Variants in RYR2 observed in about 807,000 individuals in gnomAD.
RYR2 encodes cardiac muscle ryanodine receptor-calcium release channel.
RYR2 carries 227 observed loss-of-function variants against 601.1 expected under a neutral mutation model. The ratio of observed to expected loss-of-function variants is 0.38; its 90% CI spans 0.34 to 0.42. The LOEUF is 0.42. Among genes scored for constraint, RYR2 ranks in the 10% least tolerant of loss-of-function variants. The pLI, the probability that RYR2 is intolerant of heterozygous loss-of-function variation, is 1.00. For synonymous variants in RYR2, 2,223 were observed against 2,175.1 expected (o/e 1.02, Z -0.61); for missense variants, 4,646 against 6,156.5 (o/e 0.75, Z 8.21).
At chr1:237,451,307 A>C (rs1658080087) in intron 14 of RYR2, among the ~76,000 whole-genome samples, 3 of 152,178 alleles carry the variant, frequency 2.0e-5, no homozygotes, top group Non-Finnish European at 4.4e-5. Flanking sequence ...GTGGTGGCTC[A>C]CACCTGTAAT....
At chr1:237,818,701 T>G (rs1395398758) in intron 100 of RYR2, among the ~76,000 whole-genome samples, 2 of 151,818 alleles carry the variant, frequency 1.3e-5, no homozygotes, top group African/African-American at 4.8e-5. Flanking sequence ...TGTATGTCCC[T>G]GAATGTGTTC....
At chr1:237,325,132 T>C (rs1696024720) in intron 2 of RYR2, among the ~76,000 whole-genome samples, 5 of 152,200 alleles carry the variant, frequency 3.3e-5, no homozygotes, top group African/African-American at 1.2e-4. Context: ...GGATCCAAGC[T>C]GAGTGACAGT....
intron 79 of RYR2, among the ~76,000 whole-genome samples, chr1:237,735,073 G>A (rs1463401578): frequency 6.6e-6 from 1 of 152,190 alleles, no homozygotes; most frequent in Non-Finnish European, 1.5e-5. Context: ...ATAGGAGCTA[G>A]AAGCTATAGG....
At chr1:237,216,768 AAAAAC>A (rs936883716) in intron 1 of RYR2, among the ~76,000 whole-genome samples, 11 of 151,510 alleles carry the variant, frequency 7.3e-5, no homozygotes, top group African/African-American at 1.5e-4. Context: ...AAAAAAAACA[AAAAAC>A]AAAACAAAAC....
rs1553264973 is a variant in RYR2 at position 237,641,481 on chromosome 1, C to CTTTCTTTCTTTCTTTCTTTCTT, written c.7221+481_7221+502dup. On this transcript the variant is annotated intron_variant, in intron 47 of 104. Transcript: ENST00000366574. ...AATTAGTGTCTGTCTGTCTTTCTTT[C>CTTTCTTTCTTTCTTTCTTTCTT]TTTCTTTCTTTCTTTCTTTCTTTCT... is the stretch of plus-strand genomic sequence containing the variant. Among the ~76,000 whole-genome samples, 220 of 41,546 alleles carry CTTTCTTTCTTTCTTTCTTTCTT rather than the reference C, an allele frequency of 5.3e-3. 2 individuals are homozygous for CTTTCTTTCTTTCTTTCTTTCTT. Among genetic ancestry groups the CTTTCTTTCTTTCTTTCTTTCTT allele is most frequent in the East Asian group, 0.013 (32 of 2,408 alleles). The allele number at this position is 41,546 out of a possible 152,430, so 27.3% of individuals were successfully genotyped here. A position where few individuals can be genotyped will look rare whatever the true frequency, so the allele number is the denominator to read the frequency against.
chr1:237,786,497 G>A (rs912332850), intron 91 of RYR2, among the ~76,000 whole-genome samples: 1 of 152,194 alleles, frequency 6.6e-6, no homozygotes, highest in Non-Finnish European at 1.5e-5. Context: ...AAAAGTCCCC[G>A]GGAGAGTTGG....
chr1:237,431,701 G>A (rs144192442), intron 12 of RYR2, among the ~76,000 whole-genome samples: 1,599 of 152,232 alleles, frequency 0.011, 36 homozygotes, highest in African/African-American at 0.037. Context: ...GTCTAAAAAT[G>A]TGAAGATTTC....
At chr1:237,692,729 T>C (rs984825143) in intron 63 of RYR2, among the ~76,000 whole-genome samples, 5 of 152,140 alleles carry the variant, frequency 3.3e-5, no homozygotes, top group African/African-American at 9.7e-5. Context: ...CATAACAAAC[T>C]ATCCATCCTT....
At chr1:237,580,095 C>T (rs1279477972) in intron 29 of RYR2, among the ~76,000 whole-genome samples, 1 of 151,370 alleles carries the variant, frequency 6.6e-6, no homozygotes, top group African/African-American at 2.4e-5. Context: ...GTGAGGAAGA[C>T]TGCACATCTC....
In RYR2 at chr1:237,828,439, C is replaced by T; in HGVS notation, c.14649C>T (p.Asp4883=). 6.4e-7 allele frequency: 1 copy of T among 1,559,722 alleles called. No individual in the cohort carries two copies. The highest frequency in any genetic ancestry group is 1.2e-5 in the South Asian group (1 of 84,338). The change falls in exon 102 of 105, where the codon GAC becomes GAT. Residue 4883 remains aspartate (D), a synonymous_variant. Transcript: ENST00000366574. ...ACCAACAGGAACAAGTCAAAGAAGA[C>T]ATGGAGGTAAGCTTCTCCATTCATG... ...LRDQQEQVKE[D]METKCFICGI...
intron 22 of RYR2, 27 bp from the exon 23 acceptor site, chr1:237,506,683 T>C: frequency 6.5e-7 from 1 of 1,543,162 alleles, no homozygotes; most frequent in Admixed American, 1.8e-5. Context: ...GTTTCTGATG[T>C]GTCTTTTTTC....
intron 1 of RYR2, among the ~76,000 whole-genome samples, chr1:237,149,692 A>C (rs1385390373): frequency 1.3e-5 from 2 of 152,214 alleles, no homozygotes; most frequent in Non-Finnish European, 2.9e-5. Context: ...TGATTAGTTT[A>C]ACTTTTATTT....
intron 1 of RYR2, among the ~76,000 whole-genome samples, chr1:237,229,724 C>T (rs964299177): frequency 6.6e-6 from 1 of 152,174 alleles, no homozygotes; most frequent in Non-Finnish European, 1.5e-5. Context: ...CACATGCTGA[C>T]AGGTGTTTAT....
intron 4 of RYR2, among the ~76,000 whole-genome samples, chr1:237,362,837 T>G (rs920248502): frequency 6.6e-6 from 1 of 152,200 alleles, no homozygotes; most frequent in Non-Finnish European, 1.5e-5. Flanking sequence ...AGAAGGATAT[T>G]TCAGCATTTG....
At chr1:237,654,235 T>G (rs1316560683) in intron 51 of RYR2, 39 bp from the exon 52 acceptor site, 1 of 1,603,652 alleles carries the variant, frequency 6.2e-7, no homozygotes, top group Admixed American at 1.7e-5. Context: ...ATAAAAGGTT[T>G]TGATAGCTCA....
chr1:237,627,196 A>C (rs753013467), intron 40 of RYR2, among the ~76,000 whole-genome samples: 1 of 152,174 alleles, frequency 6.6e-6, no homozygotes, highest in Non-Finnish European at 1.5e-5. Flanking sequence ...TACATTTACT[A>C]TGTTTCATGT....
intron 2 of RYR2, among the ~76,000 whole-genome samples, chr1:237,279,660 T>A (rs1690654128): frequency 6.6e-6 from 1 of 152,200 alleles, no homozygotes; most frequent in South Asian, 2.1e-4. Context: ...ACACCAGGAT[T>A]TCATAGGAGC....
intron 1 of RYR2, among the ~76,000 whole-genome samples, chr1:237,235,929 T>C (rs1685507412): frequency 6.6e-6 from 1 of 152,200 alleles, no homozygotes; most frequent in Non-Finnish European, 1.5e-5. Flanking sequence ...CAGTGCATAC[T>C]CATATTGGAT....
At chr1:237,335,983 A>T (rs1312066601) in intron 3 of RYR2, among the ~76,000 whole-genome samples, 1 of 152,190 alleles carries the variant, frequency 6.6e-6, no homozygotes, top group Non-Finnish European at 1.5e-5. Flanking sequence ...CTTTTTCAAC[A>T]TTTATAAGGT....
Sources: allele counts gnomAD v4.1 joint callset (sites outside exome capture counted in the v4.1 genomes callset), GRCh38; gene constraint gnomAD v4.1.1; transcripts MANE v1.5; gene names NCBI Gene and HGNC (gene_info 2026-07-23, HGNC 2026-07-21).